Variants in SORT1 observed in about 807,000 individuals in gnomAD.
SORT1 encodes the protein sortilin.
A neutral mutation model predicts 101.7 loss-of-function variants in SORT1; 39 were observed. That is an observed-to-expected ratio of 0.38 (90% CI 0.30 to 0.50). SORT1 has a LOEUF of 0.50. Ranked by LOEUF, SORT1 falls within the 20% of genes least tolerant of loss-of-function variation. The probability of loss-of-function intolerance (pLI) is 0.90; values close to 1 mark genes in which losing one functional copy is unlikely to be tolerated. For synonymous variants in SORT1, 396 were observed against 393.7 expected (o/e 1.01, Z -0.07); for missense variants, 878 against 1,040.4 (o/e 0.84, Z 2.15).
At chr1:109,394,171 G>A (rs577126507) in intron 1 of SORT1, among the ~76,000 whole-genome samples, 5 of 151,952 alleles carry the variant, frequency 3.3e-5, no homozygotes, top group Non-Finnish European at 7.4e-5. Flanking sequence ...TTTCTCCTTC[G>A]TTTTCTTGTC....
rs775030775 is a variant in SORT1 at position 109,355,515 on chromosome 1, G to A, written c.441-46C>T. 11 of 850,572 alleles carry A rather than the reference G, an allele frequency of 1.3e-5. No homozygotes were observed. In the Admixed American group the frequency reaches 1.6e-4, roughly 12 times the overall value. The allele number at this position is 850,572 out of a possible 1,614,324, so 52.7% of individuals were successfully genotyped here. On this transcript the variant is annotated intron_variant, in intron 3 of 19. Transcript: ENST00000256637. ...GCAAATTTAGGGTGCAGTGGTCATGGATATTACTGAGTTCCTACTCAGCTT... is the reference window on the plus strand; with the variant it reads ...GCAAATTTAGGGTGCAGTGGTCATGAATATTACTGAGTTCCTACTCAGCTT...
intron 13 of SORT1, among the ~76,000 whole-genome samples, chr1:109,326,464 T>TATATATAC (rs1403742313): frequency 1.4e-4 from 9 of 64,120 alleles, no homozygotes; most frequent in African/African-American, 4.2e-4. Flanking sequence ...TATATATATA[T>TATATATAC]ACATACACAC....
chr1:109,314,280 T>A lies in SORT1; in HGVS notation c.2462A>T (p.Tyr821Phe). ...DTASHTNKSG[Y>F]HDDSDEDLLE The stretch of plus-strand genomic sequence containing the variant: ...CCTCACCTCATCTGAGTCATCATGA[T>A]AACCACTTTTATTAGTGTGGGAGGC... The change falls in exon 19 of 20, where the codon TAT becomes TTT. Residue 821 changes from tyrosine (Y) to phenylalanine (F), a missense_variant. Physicochemically the swap from Tyr to Phe is conservative, Grantham distance 22. This residue lies in a region of SORT1 where 684 missense variants were observed against 894.5 expected (regional missense o/e 0.76). Transcript: ENST00000256637. The A allele has an allele frequency of 6.2e-7, 1 of 1,613,692 alleles. No individual in the cohort carries two copies. Among genetic ancestry groups the A allele is most frequent in the East Asian group, 2.2e-5 (1 of 44,858 alleles).
At chr1:109,369,678 C>A (rs899660622) in intron 1 of SORT1, 89 bp from the exon 2 acceptor site, 3 of 890,162 alleles carry the variant, frequency 3.4e-6, no homozygotes, top group Non-Finnish European at 5.6e-6. Context: ...TATTACTGTT[C>A]AGAGTAATTA....
chr1:109,362,244 G>A (rs569709826), intron 3 of SORT1, among the ~76,000 whole-genome samples: 6 of 152,260 alleles, frequency 3.9e-5, no homozygotes, highest in Non-Finnish European at 8.8e-5. Context: ...AATGAGTGCT[G>A]TGACCAGAAG....
In SORT1 at chr1:109,324,913, A is replaced by G. The variant is rs769848949; in HGVS notation, c.1820T>C (p.Ile607Thr). Residue 607 changes from isoleucine (I) to threonine (T), a missense_variant, in exon 14 of 20, where the codon ATC (isoleucine) becomes ACC (threonine). Ile to Thr is a moderately conservative substitution (Grantham distance 89). This residue lies in a region of SORT1 where 684 missense variants were observed against 894.5 expected (regional missense o/e 0.76). Coordinates refer to ENST00000256637, the MANE Select transcript of SORT1 (RefSeq NM_002959.7). ...GAGACACTCACAGTTCCTTTCAAGG[A>G]TATCTTTAAAATCAATGGTGTAGGA... is the stretch of plus-strand genomic sequence containing the variant. ...WVSYTIDFKD[I>T]LERNCEEKDY... 1.2e-5 allele frequency: 20 copies of G among 1,605,042 alleles called. No individual in the cohort carries two copies. Among genetic ancestry groups the G allele is most frequent in the Middle Eastern group, 1.7e-4 (1 of 6,004 alleles).
intron 11 of SORT1, among the ~76,000 whole-genome samples, chr1:109,329,749 G>A (rs888741995): frequency 8.5e-5 from 13 of 152,188 alleles, no homozygotes; most frequent in African/African-American, 3.1e-4. Context: ...AGAGGTAGAC[G>A]ACAATACAAT....
At chr1:109,319,368 T>A (rs1339843942) in intron 15 of SORT1, among the ~76,000 whole-genome samples, 3 of 152,204 alleles carry the variant, frequency 2.0e-5, no homozygotes, top group African/African-American at 7.2e-5. Context: ...CTTGCTTCCC[T>A]GAGTATGAGG....
chr1:109,366,271 C>T (rs1389668520), intron 3 of SORT1, among the ~76,000 whole-genome samples: 1 of 152,168 alleles, frequency 6.6e-6, no homozygotes, highest in Non-Finnish European at 1.5e-5. Context: ...CCATCATCGC[C>T]AGTGTGAACA....
At chr1:109,358,405 A>C (rs1441685449) in intron 3 of SORT1, among the ~76,000 whole-genome samples, 1 of 152,166 alleles carries the variant, frequency 6.6e-6, no homozygotes, top group African/African-American at 2.4e-5. Flanking sequence ...TGATCCTAGC[A>C]CTTTATTTTC....
intron 18 of SORT1, 27 bp downstream of exon 18, chr1:109,314,645 C>T (rs868273309): frequency 6.1e-6 from 9 of 1,469,998 alleles, no homozygotes; most frequent in Non-Finnish European, 8.6e-6. Flanking sequence ...GAACTCAGTA[C>T]CTTGGATTGA....
At chr1:109,347,765 C>A (rs541134618) in intron 6 of SORT1, among the ~76,000 whole-genome samples, 3 of 152,306 alleles carry the variant, frequency 2.0e-5, no homozygotes, top group East Asian at 1.9e-4. Context: ...CTCTTTCAGG[C>A]AGTCATGCTG....
At chr1:109,391,371 A>T (rs1214302720) in intron 1 of SORT1, among the ~76,000 whole-genome samples, 1 of 152,212 alleles carries the variant, frequency 6.6e-6, no homozygotes, top group Non-Finnish European at 1.5e-5. Flanking sequence ...ATCAGCCAGG[A>T]AAACATTTGT....
intron 1 of SORT1, among the ~76,000 whole-genome samples, chr1:109,383,657 G>A (rs1652395279): frequency 6.6e-6 from 1 of 152,112 alleles, no homozygotes; most frequent in South Asian, 2.1e-4. Flanking sequence ...ACTCCAGTGA[G>A]GCCTAGAACA....
At chr1:109,335,782 T>C (rs1447591617) in intron 11 of SORT1, among the ~76,000 whole-genome samples, 1 of 152,170 alleles carries the variant, frequency 6.6e-6, no homozygotes, top group African/African-American at 2.4e-5. Flanking sequence ...CCCTGTGCAC[T>C]AAGCAGGTCA....
At chr1:109,389,977 C>T (rs1652802855) in intron 1 of SORT1, 1 of 152,282 alleles carries the variant, frequency 6.6e-6, no homozygotes, top group African/African-American at 2.4e-5. Flanking sequence ...TCCTCTCTTT[C>T]CATCCCCCAC....
At position 109,378,698 on chromosome 1, in the gene SORT1, TGA is replaced by T. The variant is rs1652010928; in HGVS notation, c.307-9111_307-9110del. Among the ~76,000 whole-genome samples the T allele has an allele frequency of 6.4e-5, 4 of 62,166 alleles. 1 individual carries two copies. The highest frequency in any genetic ancestry group is 2.0e-4 in the African/African-American group (3 of 15,036). The allele number at this position is 62,166 out of a possible 152,430, so 40.8% of individuals were successfully genotyped here. On this transcript the variant is annotated intron_variant, in intron 1 of 19. Transcript: ENST00000256637. Reference sequence around the variant, plus strand: ...TCCAGCCAACAGAAGGTAGAGTGAATGATATATATATATATATATATATATAT... The same window carrying T: ...TCCAGCCAACAGAAGGTAGAGTGAATTATATATATATATATATATATATAT...
At chr1:109,380,365 C>G (rs1652143840) in intron 1 of SORT1, among the ~76,000 whole-genome samples, 1 of 151,412 alleles carries the variant, frequency 6.6e-6, no homozygotes, top group Non-Finnish European at 1.5e-5. Context: ...AAAAATGGTA[C>G]AAAAATCAGA....
intron 11 of SORT1, among the ~76,000 whole-genome samples, chr1:109,333,160 T>A (rs1460220573): frequency 6.6e-6 from 1 of 152,166 alleles, no homozygotes; most frequent in Non-Finnish European, 1.5e-5. Context: ...TCTCCTGACC[T>A]CGTGATCCAC....
Sources: gnomAD v4.1 joint callset for allele counts (sites outside exome capture counted in the v4.1 genomes callset) on GRCh38, gnomAD v4.1.1 for gene constraint, gnomAD v4.1.1 regional missense constraint, MANE v1.5 for transcripts, NCBI Gene and HGNC (gene_info 2026-07-23, HGNC 2026-07-21) for gene names.